Variants in MYCBP2 observed in about 807,000 individuals in gnomAD.
MYCBP2 encodes MYC binding protein 2.
In MYCBP2, 120 loss-of-function variants were observed where a neutral mutation model predicts 525.3. That is an observed-to-expected ratio of 0.23 (90% CI 0.20 to 0.27). MYCBP2 has a LOEUF of 0.27. Among genes scored for constraint, MYCBP2 ranks in the 10% least tolerant of loss-of-function variants. The probability of loss-of-function intolerance (pLI) is 1.00; values close to 1 mark genes in which losing one functional copy is unlikely to be tolerated. For missense variants in MYCBP2, 4,149 were observed against 5,657.1 expected, an observed-to-expected ratio of 0.73 and a Z score of 8.55; for synonymous variants, 1,894 against 1,955.8, an observed-to-expected ratio of 0.97 and a Z score of 0.83.
intron 52 of MYCBP2, among the ~76,000 whole-genome samples, chr13:77,130,600 G>A (rs767950352): frequency 1.8e-4 from 28 of 151,944 alleles, no homozygotes; most frequent in Non-Finnish European, 2.9e-5. Context: ...TAGGGAATAC[G>A]TCCTTTCTCT....
chr13:77,311,748 T>C (rs1204830964), intron 1 of MYCBP2, among the ~76,000 whole-genome samples: 3 of 151,900 alleles, frequency 2.0e-5, no homozygotes, highest in African/African-American at 4.8e-5. Flanking sequence ...AAAAAATTGA[T>C]AGGAGACTGA....
chr13:77,233,251 A>G lies in MYCBP2; in HGVS notation c.2642T>C (p.Phe881Ser). 1 of 1,613,726 alleles carries G rather than the reference A, an allele frequency of 6.2e-7. No individual in the cohort carries two copies. Among genetic ancestry groups the G allele is most frequent in the Non-Finnish European group, 8.5e-7 (1 of 1,179,712 alleles). ...RLEEGRGPLV[F>S]AGPIFMNHRE... ...ATGGTTCATAAAAATAGGACCAGCA[A>G]ATACAAGGGGGCCTGAGGAGAAACA... Residue 881 changes from phenylalanine to serine, a missense_variant, in exon 18 of 83, where the codon TTT (phenylalanine) becomes TCT (serine). Physicochemically the swap from Phe to Ser is radical, Grantham distance 155. Transcript: ENST00000544440.
At chr13:77,105,139 C>G (rs1202154975) in intron 55 of MYCBP2, among the ~76,000 whole-genome samples, 11 of 152,052 alleles carry the variant, frequency 7.2e-5, no homozygotes, top group Admixed American at 6.6e-4. Flanking sequence ...AATACAATCT[C>G]CTGGCCTGGC....
chr13:77,173,681 G>A (rs2059352143), intron 37 of MYCBP2, among the ~76,000 whole-genome samples: 1 of 152,154 alleles, frequency 6.6e-6, no homozygotes, highest in Non-Finnish European at 1.5e-5. Flanking sequence ...TGTGGTAAAT[G>A]GTACTCATGA....
chr13:77,270,182 T>C, intron 6 of MYCBP2, 114 bp downstream of exon 6: 1 of 1,431,160 alleles, frequency 7.0e-7, no homozygotes, highest in Non-Finnish European at 9.4e-7. Flanking sequence ...TTCAAATAAA[T>C]ATTATTACAC....
intron 17 of MYCBP2, among the ~76,000 whole-genome samples, chr13:77,240,579 G>T (rs1309690664): frequency 6.6e-6 from 1 of 152,158 alleles, no homozygotes; most frequent in Non-Finnish European, 1.5e-5. Context: ...CTGCACTCCA[G>T]CCTGGGCAAC....
chr13:77,124,165 T>A (rs961832756), intron 54 of MYCBP2, among the ~76,000 whole-genome samples: 14 of 152,192 alleles, frequency 9.2e-5, no homozygotes, highest in South Asian at 8.3e-4. Context: ...GCTGAAGTCT[T>A]ACATCTGCTA....
chr13:77,091,599 T>C (rs540198807), intron 59 of MYCBP2, among the ~76,000 whole-genome samples: 1 of 152,086 alleles, frequency 6.6e-6, no homozygotes, highest in South Asian at 2.1e-4. Context: ...CTCAACTCAC[T>C]AGGATGCCCA....
chr13:77,173,051 T>C (rs2059294071), intron 37 of MYCBP2, among the ~76,000 whole-genome samples: 1 of 152,130 alleles, frequency 6.6e-6, no homozygotes, highest in African/African-American at 2.4e-5. Context: ...CCATCTCCAC[T>C]AGTGTCATCC....
At chr13:77,080,059 C>G (rs74096185) in intron 65 of MYCBP2, among the ~76,000 whole-genome samples, 5,776 of 152,268 alleles carry the variant, frequency 0.038, 386 homozygotes, top group African/African-American at 0.13. Flanking sequence ...TTGCACTGAA[C>G]AGTGAGTTCT....
At chr13:77,240,794 T>C (rs1185322948) in intron 17 of MYCBP2, among the ~76,000 whole-genome samples, 1 of 152,140 alleles carries the variant, frequency 6.6e-6, no homozygotes, top group Non-Finnish European at 1.5e-5. Context: ...TTAATTTTAG[T>C]GCCATGGAAA....
At chr13:77,202,097 C>A (rs1959209078) in intron 26 of MYCBP2, among the ~76,000 whole-genome samples, 1 of 151,988 alleles carries the variant, frequency 6.6e-6, no homozygotes, top group Non-Finnish European at 1.5e-5. Flanking sequence ...TTAATGAATC[C>A]AGGAGCTGGT....
intron 4 of MYCBP2, among the ~76,000 whole-genome samples, 190 bp downstream of exon 4, chr13:77,278,568 A>G (rs921066517): frequency 1.3e-5 from 2 of 152,222 alleles, no homozygotes; most frequent in African/African-American, 4.8e-5. Context: ...ATATAAATTT[A>G]TGGGGTATAA....
Position 77,059,586 on chromosome 13 carries a change from A to G in MYCBP2, c.13077T>C (p.Cys4359=). The change falls in exon 77 of 83, where the codon TGT becomes TGC. Residue 4359 remains cysteine (C), a synonymous_variant. Coordinates refer to ENST00000544440, the MANE Select transcript of MYCBP2 (RefSeq NM_015057.5). ...TTSSSEACRF[C]GSRSGTELSA... ...ATAACTCTGTTCCACTCCTGGAACC[A>G]CAGAAGCGACATGCTTCTGAGCTAC... 6.2e-7 allele frequency: 1 copy of G among 1,614,140 alleles called. No homozygotes were observed. Among genetic ancestry groups the G allele is most frequent in the Non-Finnish European group, 8.5e-7 (1 of 1,179,998 alleles).
intron 17 of MYCBP2, among the ~76,000 whole-genome samples, chr13:77,237,291 A>C (rs1057194907): frequency 1.3e-5 from 2 of 152,194 alleles, no homozygotes; most frequent in African/African-American, 4.8e-5. Flanking sequence ...AAGATGTTGC[A>C]AATGTATATA....
At chr13:77,252,097 C>T (rs1417983258) in intron 14 of MYCBP2, among the ~76,000 whole-genome samples, 2 of 152,154 alleles carry the variant, frequency 1.3e-5, no homozygotes, top group African/African-American at 4.8e-5. Context: ...CCTGTTTATA[C>T]CTCACCTAAC....
At chr13:77,190,869 T>A (rs1036254453) in intron 28 of MYCBP2, among the ~76,000 whole-genome samples, 10 of 152,232 alleles carry the variant, frequency 6.6e-5, no homozygotes, top group Non-Finnish European at 7.3e-5. Flanking sequence ...CTTTTTTTGG[T>A]CAGCTTTGTT....
chr13:77,130,714 C>T (rs2052622356), intron 52 of MYCBP2, among the ~76,000 whole-genome samples: 1 of 152,070 alleles, frequency 6.6e-6, no homozygotes, highest in Non-Finnish European at 1.5e-5. Flanking sequence ...TTGTAGAGTA[C>T]TTGGTCAATG....
intron 44 of MYCBP2, among the ~76,000 whole-genome samples, 178 bp downstream of exon 44, chr13:77,161,728 C>T (rs2057949885): frequency 2.0e-5 from 3 of 152,182 alleles, no homozygotes; most frequent in South Asian, 4.1e-4. Context: ...ACATAGGGCT[C>T]ACATGGGTTT....
Sources: gnomAD v4.1 joint callset for allele counts (sites outside exome capture counted in the v4.1 genomes callset) on GRCh38, gnomAD v4.1.1 for gene constraint, MANE v1.5 for transcripts, NCBI Gene and HGNC (gene_info 2026-07-23, HGNC 2026-07-21) for gene names.